The following NSMCE2 variants were observed in gnomAD, a reference collection of about 807,000 sequenced individuals.
The protein encoded by NSMCE2 is E3 SUMO-protein ligase NSE2.
NSMCE2 carries 24 observed loss-of-function variants against 23.8 expected under a neutral mutation model. The observed-to-expected ratio is 1.01, with a 90% CI of 0.73 to 1.42. The LOEUF (loss-of-function observed/expected upper bound fraction) is 1.42. Ranked by LOEUF, NSMCE2 falls within the 40% of genes most tolerant of loss-of-function variation. NSMCE2 has a pLI of 0.00. For missense variants in NSMCE2, 284 were observed against 296.5 expected (o/e 0.96, Z 0.31); for synonymous variants, 92 against 94.1 (o/e 0.98, Z 0.13).
intron 5 of NSMCE2, among the ~76,000 whole-genome samples, chr8:125,197,083 G>A (rs749867652): frequency 6.6e-6 from 1 of 152,158 alleles, no homozygotes; most frequent in Non-Finnish European, 1.5e-5. Flanking sequence ...GTTCTTTGTA[G>A]ATTCTGGATA....
intron 5 of NSMCE2, among the ~76,000 whole-genome samples, chr8:125,343,563 C>CAGG (rs761969019): frequency 1.3e-4 from 20 of 151,674 alleles, no homozygotes; most frequent in Admixed American, 6.6e-4. Context: ...TGCTTGAGCC[C>CAGG]AGGAGGTCAA....
chr8:125,256,040 T>C (rs1826390343), intron 5 of NSMCE2, among the ~76,000 whole-genome samples: 1 of 152,086 alleles, frequency 6.6e-6, no homozygotes, highest in South Asian at 2.1e-4. Context: ...TCCCAGCACT[T>C]TGGGAGGCTG....
At chr8:125,356,776 T>C (rs1422182215) in intron 5 of NSMCE2, among the ~76,000 whole-genome samples, 2 of 152,236 alleles carry the variant, frequency 1.3e-5, no homozygotes, top group South Asian at 2.1e-4. Context: ...CTAATTGTAA[T>C]GACTGTTTAT....
intron 7 of NSMCE2, among the ~76,000 whole-genome samples, chr8:125,362,184 C>T (rs1813590103): frequency 6.6e-6 from 1 of 152,240 alleles, no homozygotes; most frequent in Non-Finnish European, 1.5e-5. Flanking sequence ...TGAACTCGCT[C>T]ACCAAGATGT....
At chr8:125,340,551 C>T (rs1830212424) in intron 5 of NSMCE2, among the ~76,000 whole-genome samples, 1 of 152,070 alleles carries the variant, frequency 6.6e-6, no homozygotes, top group Non-Finnish European at 1.5e-5. Context: ...CCATTTTGAT[C>T]TCCTTAGATG....
chr8:125,228,427 A>T (rs1825189623), intron 5 of NSMCE2, among the ~76,000 whole-genome samples: 1 of 152,226 alleles, frequency 6.6e-6, no homozygotes. Context: ...TGTAACACAA[A>T]GAAATAAATA....
intron 3 of NSMCE2, chr8:125,124,113 A>G (rs1374569750): frequency 1.3e-5 from 2 of 152,124 alleles, no homozygotes; most frequent in Non-Finnish European, 2.9e-5. Flanking sequence ...AGATTTGCCT[A>G]TTTCCAGCAT....
intron 5 of NSMCE2, among the ~76,000 whole-genome samples, chr8:125,319,080 GT>G (rs1465882847): frequency 1.3e-5 from 2 of 152,150 alleles, no homozygotes; most frequent in Non-Finnish European, 2.9e-5. Context: ...AATAGTACCT[GT>G]TCTCAACAAC....
chr8:125,226,786 G>A (rs1341229113), intron 5 of NSMCE2, among the ~76,000 whole-genome samples: 1 of 152,064 alleles, frequency 6.6e-6, no homozygotes, highest in Admixed American at 6.5e-5. Flanking sequence ...GGGAGAACAA[G>A]GAGGAAGACA....
At chr8:125,136,369 A>C (rs1820066893) in intron 3 of NSMCE2, among the ~76,000 whole-genome samples, 1 of 152,212 alleles carries the variant, frequency 6.6e-6, no homozygotes, top group African/African-American at 2.4e-5. Flanking sequence ...TGGAAAGGAA[A>C]TACTAGCTGA....
At position 125,096,046 on chromosome 8, in the gene NSMCE2, T is replaced by C. The variant is rs144856800; in HGVS notation, c.-111+4088T>C. 7.7e-4 allele frequency among the ~76,000 whole-genome samples: 117 copies of C among 152,286 alleles called. 2 individuals carry two copies. In the East Asian group the frequency reaches 0.021, roughly 28 times the overall value. ...AGTTTCTTTCATGCATGGAGCCTGA[T>C]AGGTGAGTAGTTTTCCTCCAAGCAG... On this transcript the variant is annotated intron_variant, in intron 1 of 7. Coordinates refer to ENST00000287437, the MANE Select transcript of NSMCE2 (RefSeq NM_173685.4).
chr8:125,327,108 T>TA (rs1435595280), intron 5 of NSMCE2, among the ~76,000 whole-genome samples: 7 of 141,754 alleles, frequency 4.9e-5, no homozygotes, highest in Non-Finnish European at 1.1e-4. Flanking sequence ...ACTAAAACTA[T>TA]AAAAAAAAAT....
chr8:125,193,932 G>C (rs1186765149), intron 5 of NSMCE2, among the ~76,000 whole-genome samples: 1 of 152,136 alleles, frequency 6.6e-6, no homozygotes, highest in East Asian at 1.9e-4. Flanking sequence ...TTATTTGCCA[G>C]GTCCTTGTCA....
chr8:125,318,765 A>G (rs994245110), intron 5 of NSMCE2, among the ~76,000 whole-genome samples: 1 of 152,228 alleles, frequency 6.6e-6, no homozygotes, highest in Non-Finnish European at 1.5e-5. Context: ...GACAGGAAAC[A>G]AAGGAAATGG....
intron 5 of NSMCE2, among the ~76,000 whole-genome samples, chr8:125,204,043 C>T (rs2130867010): frequency 6.6e-6 from 1 of 152,128 alleles, no homozygotes; most frequent in South Asian, 2.1e-4. Flanking sequence ...CTGTTATATC[C>T]CTAGTGCCTA....
chr8:125,116,763 C>G (rs1819024035), intron 3 of NSMCE2, among the ~76,000 whole-genome samples: 1 of 152,024 alleles, frequency 6.6e-6, no homozygotes, highest in African/African-American at 2.4e-5. Flanking sequence ...TTATTTTCTT[C>G]TAAGTGATAT....
intron 3 of NSMCE2, among the ~76,000 whole-genome samples, chr8:125,119,958 A>T (rs1819190270): frequency 6.6e-6 from 1 of 152,174 alleles, no homozygotes; most frequent in South Asian, 2.1e-4. Context: ...TGTTAGCCAC[A>T]TGTGTAATTT....
chr8:125,275,683 T>C (rs959271718), intron 5 of NSMCE2, among the ~76,000 whole-genome samples: 2 of 152,248 alleles, frequency 1.3e-5, no homozygotes, highest in African/African-American at 4.8e-5. Flanking sequence ...AACGAAGTAC[T>C]ATTTATTGAG....
Position 125,095,298 on chromosome 8 carries a change from A to G in NSMCE2, c.-111+3340A>G, listed in dbSNP as rs974934832. On this transcript the variant is annotated intron_variant, in intron 1 of 7. Transcript: ENST00000287437. ...CTAGAATCAAGACTGAGTAGAAAAC[A>G]GAATACTTCTGCTGATCATGGTGTC... Among the ~76,000 whole-genome samples the G allele has an allele frequency of 4.7e-4, 71 of 152,196 alleles. 3 individuals are homozygous for G. Among genetic ancestry groups the G allele is most frequent in the Non-Finnish European group, 8.8e-5 (6 of 68,042 alleles).
Sources: gnomAD v4.1 joint callset for allele counts (sites outside exome capture counted in the v4.1 genomes callset) on GRCh38, gnomAD v4.1.1 for gene constraint, MANE v1.5 for transcripts, NCBI Gene and HGNC (gene_info 2026-07-23, HGNC 2026-07-21) for gene names.